WASF2: variants seen among roughly 807,000 people sequenced by gnomAD.
WASF2 encodes actin-binding protein WASF2.
WASF2 carries 14 observed loss-of-function variants against 45.0 expected under a neutral mutation model. That is an observed-to-expected ratio of 0.31 (90% CI 0.21 to 0.49). WASF2 has a LOEUF of 0.49. WASF2 is among the 20% of genes least tolerant of loss of function. WASF2 has a pLI of 0.99. For missense variants in WASF2, 439 were observed against 636.1 expected (o/e 0.69, Z 3.33); for synonymous variants, 200 against 236.3 (o/e 0.85, Z 1.41).
intron 1 of WASF2, among the ~76,000 whole-genome samples, chr1:27,442,990 CAAAAAA>C (rs782114128): frequency 4.7e-5 from 3 of 64,242 alleles, no homozygotes; most frequent in African/African-American, 1.7e-4. Context: ...GACTCTGTCT[CAAAAAA>C]AAAAAAAAAA....
At chr1:27,455,327 C>T (rs1287718085) in intron 1 of WASF2, among the ~76,000 whole-genome samples, 1 of 152,034 alleles carries the variant, frequency 6.6e-6, no homozygotes, top group Non-Finnish European at 1.5e-5. Context: ...CCAGCAGCTG[C>T]CTCCTAATAA....
At chr1:27,450,933 AG>A (rs1270066188) in intron 1 of WASF2, among the ~76,000 whole-genome samples, 1 of 151,198 alleles carries the variant, frequency 6.6e-6, no homozygotes. Context: ...ATATGGAGCC[AG>A]GCATGGTGGC....
chr1:27,457,520 A>C lies in WASF2; in HGVS notation c.-43-28587T>G, dbSNP rs545248106. Among the ~76,000 whole-genome samples, 137 of 152,268 alleles carry C rather than the reference A, an allele frequency of 9.0e-4. 2 individuals carry two copies. Among genetic ancestry groups the C allele is most frequent in the Middle Eastern group, 3.4e-3 (1 of 294 alleles). On this transcript the variant is annotated intron_variant, in intron 1 of 8. Transcript: ENST00000618852. ...TGGGCCCAGGAGGTGGATTAGTAAA[A>C]ATTATTGTTATTAAGACAAAACGGA...
chr1:27,487,596 T>C (rs183154206), intron 1 of WASF2, among the ~76,000 whole-genome samples: 9,108 of 77,286 alleles, frequency 0.12, 641 homozygotes, highest in East Asian at 0.3. Context: ...ATATTTTATA[T>C]AATATATAAT....
chr1:27,408,147 T>A lies in WASF2; in HGVS notation c.*42A>T. On this transcript the variant is annotated 3_prime_UTR_variant, in exon 9 of 9. Transcript: ENST00000618852. The stretch of plus-strand genomic sequence containing the variant: ...TGGGGTTGGCATCAAAGAAGGCAGG[T>A]AGGAAGGAAAGAAAAAGAAGGTGGG... 6.3e-7 allele frequency: 1 copy of A among 1,593,574 alleles called. No homozygotes were observed. Among genetic ancestry groups the A allele is most frequent in the Non-Finnish European group, 8.6e-7 (1 of 1,166,282 alleles).
chr1:27,415,707 G>C (rs1280977229), intron 5 of WASF2, among the ~76,000 whole-genome samples: 3 of 152,052 alleles, frequency 2.0e-5, no homozygotes, highest in African/African-American at 7.3e-5. Flanking sequence ...GGTGCAAATT[G>C]CAAGAGAAAT....
intron 1 of WASF2, among the ~76,000 whole-genome samples, chr1:27,437,077 G>C (rs1215865517): frequency 6.6e-6 from 1 of 152,044 alleles, no homozygotes; most frequent in Non-Finnish European, 1.5e-5. Context: ...ATTCACACCT[G>C]GTAATTCCAT....
At position 27,437,732 on chromosome 1, in the gene WASF2, A is replaced by G. The variant is rs141755956; in HGVS notation, c.-43-8799T>C. ...GCTTTTACTTTGATTGGATAAATAT[A>G]GATTATGAATAATTGTACTTATAAA... On this transcript the variant is annotated intron_variant, in intron 1 of 8. Transcript: ENST00000618852. Among the ~76,000 whole-genome samples, 427 of 152,348 alleles carry G rather than the reference A, an allele frequency of 2.8e-3. 4 individuals carry two copies. Among genetic ancestry groups the G allele is most frequent in the African/African-American group, 9.8e-3 (407 of 41,590 alleles).
chr1:27,414,683 T>A lies in WASF2; in HGVS notation c.668+150A>T. On this transcript the variant is annotated intron_variant, in intron 6 of 8. Coordinates refer to ENST00000618852, the MANE Select transcript of WASF2 (RefSeq NM_006990.5). The surrounding 1 kb of genome is among the most constrained non-coding windows in gnomAD (Gnocchi z 4.1). ...TAGCAAATTTTCATCACCAGATGGA[T>A]GCACTTTAAAGTAGCTGATTAACAG... is the stretch of plus-strand genomic sequence containing the variant. 9.9e-7 allele frequency: 1 copy of A among 1,013,672 alleles called. No homozygotes were observed. The highest frequency in any genetic ancestry group is 1.4e-6 in the Non-Finnish European group (1 of 703,904). 62.8% of individuals were successfully genotyped at this position (1,013,672 alleles called of 1,614,324 possible).
In WASF2 at chr1:27,447,127, AG is replaced by A. The variant is rs2017321776; in HGVS notation, c.-43-18195del. Among the ~76,000 whole-genome samples the A allele has an allele frequency of 2.0e-5, 3 of 152,204 alleles. No homozygotes were observed. The South Asian group carries it at 6.2e-4, about 31-fold the overall frequency. On this transcript the variant is annotated intron_variant, in intron 1 of 8. Coordinates refer to ENST00000618852, the MANE Select transcript of WASF2 (RefSeq NM_006990.5). ...TATAAATGAAAAATTAAGAAGATGG[AG>A]TTTTCCTACCAAAATCTATTAATGA...
intron 1 of WASF2, among the ~76,000 whole-genome samples, chr1:27,482,775 A>G (rs1417726788): frequency 1.3e-5 from 2 of 152,194 alleles, no homozygotes; most frequent in Non-Finnish European, 2.9e-5. Flanking sequence ...CATAACCAGA[A>G]AGAAGGAGAA....
intron 2 of WASF2, 113 bp from the exon 3 acceptor site, chr1:27,419,201 C>A (rs2016868695): frequency 5.9e-6 from 7 of 1,184,660 alleles, no homozygotes; most frequent in Admixed American, 1.9e-5. Context: ...CATATACACA[C>A]ACATACCCTA....
At position 27,480,094 on chromosome 1, in the gene WASF2, A is replaced by G. The variant is rs577182178; in HGVS notation, c.-44+9892T>C. On this transcript the variant is annotated intron_variant, in intron 1 of 8. Coordinates refer to ENST00000618852, the MANE Select transcript of WASF2 (RefSeq NM_006990.5). Reference sequence around the variant, plus strand: ...ATTCTTTAAAGACTATCAATATTCTACAAAGGGAAATTCACTTATAGTTCC... The same window carrying G: ...ATTCTTTAAAGACTATCAATATTCTGCAAAGGGAAATTCACTTATAGTTCC... 7.9e-5 allele frequency among the ~76,000 whole-genome samples: 12 copies of G among 152,328 alleles called. No homozygotes were observed. In the East Asian group the frequency reaches 2.1e-3, roughly 27 times the overall value.
At position 27,454,170 on chromosome 1, in the gene WASF2, TATATATATATATATA is replaced by T. The variant is rs1445450772; in HGVS notation, c.-43-25252_-43-25238del. Among the ~76,000 whole-genome samples the T allele has an allele frequency of 9.4e-5, 5 of 52,964 alleles. No individual in the cohort carries two copies. The East Asian group carries it at 3.5e-3, about 37-fold the overall frequency. 34.7% of individuals were successfully genotyped at this position (52,964 alleles called of 152,430 possible). A position where few individuals can be genotyped will look rare whatever the true frequency, so the allele number is the denominator to read the frequency against. ...GTGTGTGTGTATATATATATATATA[TATATATATATATATA>T]TATTTTTTTTTTTTTTTTTTTTTTA... is the stretch of plus-strand genomic sequence containing the variant. On this transcript the variant is annotated intron_variant, in intron 1 of 8. Coordinates refer to ENST00000618852, the MANE Select transcript of WASF2 (RefSeq NM_006990.5).
chr1:27,435,746 C>T (rs1167989603), intron 1 of WASF2, among the ~76,000 whole-genome samples: 1 of 152,170 alleles, frequency 6.6e-6, no homozygotes, highest in Admixed American at 6.5e-5. Context: ...ACACTCTGAA[C>T]TCCTGTTATT....
In WASF2 at chr1:27,416,018, G is replaced by A. The variant is rs549622742; in HGVS notation, c.504C>T (p.Thr168=). The A allele has an allele frequency of 1.2e-6, 2 of 1,613,856 alleles. No homozygotes were observed. Among genetic ancestry groups the A allele is most frequent in the East Asian group, 4.5e-5 (2 of 44,874 alleles). The change falls in exon 5 of 9, where the codon ACC becomes ACT. Residue 168 remains threonine (T), a synonymous_variant. Coordinates refer to ENST00000618852, the MANE Select transcript of WASF2 (RefSeq NM_006990.5). ...TTCTCTTCTCTTTCATGATATCCTT[G>A]GTGTCCTGCAGCATCTTCTCCTTCC... ...DLWKEKMLQD[T]KDIMKEKRKH...
chr1:27,480,685 C>T (rs1307880483), intron 1 of WASF2, among the ~76,000 whole-genome samples: 1 of 152,028 alleles, frequency 6.6e-6, no homozygotes, highest in Admixed American at 6.6e-5. Flanking sequence ...AATTACAAAG[C>T]TTAAAATTCA....
intron 1 of WASF2, among the ~76,000 whole-genome samples, chr1:27,436,376 C>T (rs1013641164): frequency 1.3e-5 from 2 of 152,010 alleles, no homozygotes; most frequent in African/African-American, 2.4e-5. Context: ...TTGCTTGAGC[C>T]TTGGAGGTTG....
At position 27,454,168 on chromosome 1, in the gene WASF2, TATATATATATATATATA is replaced by T. The variant is rs1557612262; in HGVS notation, c.-43-25252_-43-25236del. On this transcript the variant is annotated intron_variant, in intron 1 of 8. Transcript: ENST00000618852. ...GTGTGTGTGTGTATATATATATATA[TATATATATATATATATA>T]TATTTTTTTTTTTTTTTTTTTTTTA... 6.9e-3 allele frequency among the ~76,000 whole-genome samples: 151 copies of T among 21,852 alleles called. 2 individuals are homozygous for T. In the East Asian group the frequency reaches 0.19, roughly 28 times the overall value. The allele number at this position is 21,852 out of a possible 152,430, so 14.3% of individuals were successfully genotyped here.
Sources: gnomAD v4.1 joint callset for allele counts (sites outside exome capture counted in the v4.1 genomes callset) on GRCh38, gnomAD v4.1.1 for gene constraint, Gnocchi (gnomAD v3.1) non-coding constraint, MANE v1.5 for transcripts, NCBI Gene and HGNC (gene_info 2026-07-23, HGNC 2026-07-21) for gene names.